The following RABGAP1L variants were observed in gnomAD, a reference collection of about 807,000 sequenced individuals.
The protein encoded by RABGAP1L is rab GTPase-activating protein 1-like.
RABGAP1L carries 63 observed loss-of-function variants against 137.7 expected under a neutral mutation model. The ratio of observed to expected loss-of-function variants is 0.46; its 90% confidence interval spans 0.37 to 0.56. The LOEUF is 0.56. Among genes scored for constraint, RABGAP1L ranks in the 20% least tolerant of loss-of-function variants. The probability of loss-of-function intolerance (pLI) is 0.00; values close to 1 mark genes in which losing one functional copy is unlikely to be tolerated. For missense variants in RABGAP1L, 1,095 were observed against 1,244.0 expected (o/e 0.88, Z 1.80); for synonymous variants, 431 against 433.7 (o/e 0.99, Z 0.08).
intron 13 of RABGAP1L, among the ~76,000 whole-genome samples, chr1:174,454,450 T>G (rs1655805109): frequency 6.6e-6 from 1 of 152,160 alleles, no homozygotes; most frequent in Non-Finnish European, 1.5e-5. Context: ...CTTGACAACC[T>G]TCTACTTGCA....
chr1:174,958,479 A>G (rs912913859), intron 20 of RABGAP1L, among the ~76,000 whole-genome samples: 2 of 152,210 alleles, frequency 1.3e-5, no homozygotes, highest in Non-Finnish European at 2.9e-5. Flanking sequence ...TCAATACACT[A>G]AGATAAAAGA....
chr1:174,652,259 GC>G (rs1448986780), intron 14 of RABGAP1L, among the ~76,000 whole-genome samples: 1 of 152,110 alleles, frequency 6.6e-6, no homozygotes, highest in Non-Finnish European at 1.5e-5. Context: ...CTCTCTGGCT[GC>G]CCTTAACATT....
chr1:174,433,447 A>C (rs1434552668), intron 13 of RABGAP1L, among the ~76,000 whole-genome samples: 1 of 152,180 alleles, frequency 6.6e-6, no homozygotes, highest in East Asian at 1.9e-4. Flanking sequence ...ATACACGTAA[A>C]TTAGTATTTT....
At chr1:174,227,759 A>G (rs1670304889) in intron 3 of RABGAP1L, among the ~76,000 whole-genome samples, 1 of 151,962 alleles carries the variant, frequency 6.6e-6, no homozygotes, top group Admixed American at 6.6e-5. Flanking sequence ...CTTTATGTAC[A>G]TTGTAAGGAT....
At chr1:174,364,851 G>A (rs1168741159) in intron 11 of RABGAP1L, among the ~76,000 whole-genome samples, 1 of 152,128 alleles carries the variant, frequency 6.6e-6, no homozygotes, top group African/African-American at 2.4e-5. Context: ...GATGATAAAT[G>A]CTTCCAGGAC....
chr1:174,364,355 C>T (rs548605465), intron 11 of RABGAP1L, among the ~76,000 whole-genome samples: 35 of 142,652 alleles, frequency 2.5e-4, no homozygotes, highest in Non-Finnish European at 4.1e-4. Flanking sequence ...CCCGGGTTCA[C>T]GCCATTCTCC....
chr1:174,327,986 CATATATAT>C (rs3057021), intron 11 of RABGAP1L, among the ~76,000 whole-genome samples: 1,496 of 53,576 alleles, frequency 0.028, 32 homozygotes, highest in Non-Finnish European at 0.035. Flanking sequence ...TATACACACA[CATATATAT>C]ATATATATAT....
chr1:174,384,219 G>C (rs1246683763), intron 12 of RABGAP1L, among the ~76,000 whole-genome samples: 1 of 152,196 alleles, frequency 6.6e-6, no homozygotes, highest in African/African-American at 2.4e-5. Flanking sequence ...TTCTGGAAAA[G>C]TCAAAACTAT....
chr1:174,819,009 C>A (rs1436455248), intron 19 of RABGAP1L, among the ~76,000 whole-genome samples: 4 of 151,278 alleles, frequency 2.6e-5, no homozygotes, highest in South Asian at 2.1e-4. Flanking sequence ...AAGAGTGAGA[C>A]CCTGTCTCAA....
chr1:174,163,931 T>C (rs553693201), intron 1 of RABGAP1L, among the ~76,000 whole-genome samples: 1 of 152,274 alleles, frequency 6.6e-6, no homozygotes, highest in South Asian at 2.1e-4. Flanking sequence ...AATGGAAGTC[T>C]CATTGAGGGA....
intron 18 of RABGAP1L, chr1:174,756,774 TGAGGACAGGGGAG>T: frequency 4.6e-6 from 2 of 435,946 alleles, no homozygotes; most frequent in South Asian, 3.6e-5. Context: ...TTTCCTTTGT[TGAGGACAGGGGAG>T]GAGTCCCTAC....
At chr1:174,882,446 T>C (rs570856406) in intron 19 of RABGAP1L, among the ~76,000 whole-genome samples, 1 of 152,304 alleles carries the variant, frequency 6.6e-6, no homozygotes, top group African/African-American at 2.4e-5. Context: ...AGCTGTTACA[T>C]ACACAAAACT....
chr1:174,420,208 T>TC (rs1346858048), intron 13 of RABGAP1L, among the ~76,000 whole-genome samples: 2 of 151,572 alleles, frequency 1.3e-5, no homozygotes, highest in East Asian at 3.9e-4. Context: ...CCTTTTTTTT[T>TC]TTTTTTTTTT....
intron 13 of RABGAP1L, among the ~76,000 whole-genome samples, chr1:174,596,477 G>C (rs1424271191): frequency 6.6e-6 from 1 of 152,052 alleles, no homozygotes; most frequent in East Asian, 1.9e-4. Context: ...TGTAGCTGTT[G>C]CAAATTGGAT....
intron 5 of RABGAP1L, among the ~76,000 whole-genome samples, chr1:174,241,879 A>G (rs1671857479): frequency 6.6e-6 from 1 of 152,226 alleles, no homozygotes; most frequent in South Asian, 2.1e-4. Context: ...GTAGAAAAAT[A>G]CAACTGGATG....
chr1:174,634,446 C>G (rs1246991726), intron 13 of RABGAP1L, among the ~76,000 whole-genome samples: 3 of 127,806 alleles, frequency 2.3e-5, no homozygotes, highest in African/African-American at 3.2e-5. Context: ...GGACTGTAAA[C>G]TAGTTCAACC....
chr1:174,968,721 A>G (rs2149363149), intron 20 of RABGAP1L, among the ~76,000 whole-genome samples: 1 of 152,324 alleles, frequency 6.6e-6, no homozygotes, highest in Admixed American at 6.5e-5. Flanking sequence ...AAAAGTAAAT[A>G]TATTCTTACT....
chr1:174,372,035 A>T (rs960678012), intron 12 of RABGAP1L, among the ~76,000 whole-genome samples: 7 of 152,270 alleles, frequency 4.6e-5, no homozygotes, highest in Non-Finnish European at 8.8e-5. Flanking sequence ...GTTTTTAAGG[A>T]GATAAACCCT....
rs760906466 is a variant in RABGAP1L at position 174,370,997 on chromosome 1, C to T, written c.1484C>T (p.Ser495Leu). The T allele has an allele frequency of 6.7e-7, 1 of 1,487,148 alleles. No homozygotes were observed. Among genetic ancestry groups the T allele is most frequent in the Admixed American group, 1.7e-5 (1 of 58,756 alleles). The allele number at this position is 1,487,148 out of a possible 1,614,324, so 92.1% of individuals were successfully genotyped here. Residue 495 changes from serine to leucine, a missense_variant, in exon 12 of 26, where the codon TCA becomes TTA. This residue lies in a region of RABGAP1L where 315 missense variants were observed against 324.8 expected (regional missense o/e 0.97). Coordinates refer to ENST00000681986, the MANE Select transcript of RABGAP1L (RefSeq NM_001366446.1). ...TCTGCAGAGAGTGATAATGAACTCTCAAGTGGAACAGGTGATGTGTCTAAG... is the reference window on the plus strand; with the variant it reads ...TCTGCAGAGAGTGATAATGAACTCTTAAGTGGAACAGGTGATGTGTCTAAG... The part of the protein sequence containing the change: ...EAEEESDNEL[S>L]SGTGDVSKDC...
Sources: gnomAD v4.1 joint callset for allele counts (sites outside exome capture counted in the v4.1 genomes callset) on GRCh38, gnomAD v4.1.1 for gene constraint, gnomAD v4.1.1 regional missense constraint, MANE v1.5 for transcripts, NCBI Gene and HGNC (gene_info 2026-07-23, HGNC 2026-07-21) for gene names.